TMEM132B: variants seen among roughly 807,000 people sequenced by gnomAD.
The protein encoded by TMEM132B is transmembrane protein 132B.
TMEM132B carries 18 observed loss-of-function variants against 90.8 expected under a neutral mutation model. That is an observed-to-expected ratio of 0.20 (90% CI 0.14 to 0.29). The LOEUF (loss-of-function observed/expected upper bound fraction) is 0.29. Among genes scored for constraint, TMEM132B ranks in the 10% least tolerant of loss-of-function variants. The pLI, the probability that TMEM132B is intolerant of heterozygous loss-of-function variation, is 1.00. For missense variants in TMEM132B, 1,096 were observed against 1,326.8 expected (o/e 0.83, Z 2.70); for synonymous variants, 504 against 523.3 (o/e 0.96, Z 0.50).
intron 5 of TMEM132B, among the ~76,000 whole-genome samples, chr12:125,633,745 T>C (rs1886417973): frequency 6.6e-6 from 1 of 152,246 alleles, no homozygotes; most frequent in African/African-American, 2.4e-5. Context: ...GAGATTCTTA[T>C]TCTCTTCCCT....
At chr12:125,260,483 C>T (rs1369732834) in intron 1 of TMEM132B, among the ~76,000 whole-genome samples, 2 of 150,774 alleles carry the variant, frequency 1.3e-5, no homozygotes, top group African/African-American at 4.9e-5. Flanking sequence ...TTACAAGTAG[C>T]TGGGACCATA....
chr12:125,345,823 A>T (rs767772599), intron 1 of TMEM132B, among the ~76,000 whole-genome samples: 16 of 152,190 alleles, frequency 1.1e-4, no homozygotes, highest in Non-Finnish European at 2.4e-4. Flanking sequence ...CCTCTCTAGG[A>T]AATCGGCAGA....
intron 4 of TMEM132B, among the ~76,000 whole-genome samples, chr12:125,552,084 A>G (rs1290026865): frequency 6.6e-6 from 1 of 152,230 alleles, no homozygotes; most frequent in Non-Finnish European, 1.5e-5. Flanking sequence ...TGTGCATTAT[A>G]TATGAATACT....
At chr12:125,196,444 A>T (rs1565973072) in intron 1 of TMEM132B, among the ~76,000 whole-genome samples, 1 of 152,256 alleles carries the variant, frequency 6.6e-6, no homozygotes, top group Non-Finnish European at 1.5e-5. Context: ...ACGGCGGCTC[A>T]TGCCTGTAAT....
At chr12:125,377,606 C>T (rs551485729) in intron 2 of TMEM132B, among the ~76,000 whole-genome samples, 2 of 152,158 alleles carry the variant, frequency 1.3e-5, no homozygotes, top group African/African-American at 2.4e-5. Flanking sequence ...CAGAACAGGG[C>T]CTGGCTCAGG....
intron 2 of TMEM132B, among the ~76,000 whole-genome samples, chr12:125,390,023 G>A (rs545291125): frequency 1.7e-4 from 26 of 152,168 alleles, no homozygotes; most frequent in Non-Finnish European, 3.4e-4. Flanking sequence ...CACCTCATAA[G>A]CTCCATATGC....
At chr12:125,623,560 A>G (rs764836300) in intron 5 of TMEM132B, among the ~76,000 whole-genome samples, 13 of 152,088 alleles carry the variant, frequency 8.5e-5, no homozygotes, top group Non-Finnish European at 1.9e-4. Flanking sequence ...GGCCTGTTGG[A>G]ACAGAGATGT....
chr12:125,515,983 C>A (rs897933525), intron 3 of TMEM132B, among the ~76,000 whole-genome samples: 1 of 151,998 alleles, frequency 6.6e-6, no homozygotes, highest in Non-Finnish European at 1.5e-5. Context: ...CACACACATG[C>A]ACACATTCTC....
At chr12:125,307,018 C>G (rs1323892640) in intron 1 of TMEM132B, among the ~76,000 whole-genome samples, 2 of 152,332 alleles carry the variant, frequency 1.3e-5, no homozygotes, top group Admixed American at 1.3e-4. Context: ...CTCCTCCTTT[C>G]CCTTTCTGTG....
At chr12:125,457,040 C>G (rs7313145) in intron 3 of TMEM132B, among the ~76,000 whole-genome samples, 84,486 of 151,864 alleles carry the variant, frequency 0.56, 24,770 homozygotes, top group African/African-American at 0.75. Context: ...GCTGGAGATG[C>G]TCCTGAGTGG....
intron 4 of TMEM132B, among the ~76,000 whole-genome samples, chr12:125,525,144 A>G (rs139263552): frequency 2.0e-5 from 3 of 152,272 alleles, no homozygotes; most frequent in Non-Finnish European, 4.4e-5. Context: ...AGAACACTCT[A>G]GTAGGCTTGC....
chr12:125,547,168 C>A (rs966463079), intron 4 of TMEM132B, among the ~76,000 whole-genome samples: 2 of 152,176 alleles, frequency 1.3e-5, no homozygotes, highest in African/African-American at 4.8e-5. Flanking sequence ...ACAGCCAAAC[C>A]ATATCAGGTA....
At chr12:125,535,931 C>T (rs775453559) in intron 4 of TMEM132B, among the ~76,000 whole-genome samples, 63 of 152,198 alleles carry the variant, frequency 4.1e-4, no homozygotes, top group Non-Finnish European at 6.0e-4. Context: ...TATGCCTCTA[C>T]TCTGTGATTT....
intron 3 of TMEM132B, among the ~76,000 whole-genome samples, chr12:125,434,803 C>T (rs143766379): frequency 5.9e-5 from 9 of 151,800 alleles, no homozygotes; most frequent in East Asian, 1.9e-4. Context: ...TTCCCTGCAC[C>T]GAATTCCTTT....
At chr12:125,375,829 C>T (rs1566017117) in intron 2 of TMEM132B, among the ~76,000 whole-genome samples, 1 of 152,220 alleles carries the variant, frequency 6.6e-6, no homozygotes, top group African/African-American at 2.4e-5. Flanking sequence ...CCCTTTCTCT[C>T]CAATAGTTAT....
At chr12:125,288,420 G>C (rs1428314327) in intron 1 of TMEM132B, among the ~76,000 whole-genome samples, 11 of 135,936 alleles carry the variant, frequency 8.1e-5, no homozygotes, top group African/African-American at 3.0e-4. Flanking sequence ...CCAACATCGC[G>C]CCACTGCACT....
chr12:125,245,278 C>T (rs1874180788), intron 1 of TMEM132B, among the ~76,000 whole-genome samples: 1 of 145,072 alleles, frequency 6.9e-6, no homozygotes, highest in African/African-American at 2.6e-5. Flanking sequence ...AGGCAGCCCC[C>T]CACTGCAGTT....
intron 4 of TMEM132B, among the ~76,000 whole-genome samples, chr12:125,570,059 C>T (rs1884754306): frequency 6.6e-6 from 1 of 152,004 alleles, no homozygotes; most frequent in Non-Finnish European, 1.5e-5. Flanking sequence ...CCTTATGTCA[C>T]TATTGAATGG....
intron 1 of TMEM132B, among the ~76,000 whole-genome samples, chr12:125,216,227 C>A (rs1424503407): frequency 3.3e-5 from 5 of 152,154 alleles, no homozygotes; most frequent in Admixed American, 2.0e-4. Context: ...TGAGGGCTCC[C>A]TTCCTGGCTT....
Sources: allele counts gnomAD v4.1 joint callset (sites outside exome capture counted in the v4.1 genomes callset), GRCh38; gene constraint gnomAD v4.1.1; transcripts MANE v1.5; gene names NCBI Gene and HGNC (gene_info 2026-07-23, HGNC 2026-07-21).